Variants in MYH13 observed in about 807,000 individuals in gnomAD.
MYH13 encodes the protein myosin heavy chain 13.
Under a neutral mutation model 232.1 loss-of-function variants are expected in MYH13, and 177 were observed. That is an observed-to-expected ratio of 0.76 (90% confidence interval 0.67 to 0.86). The LOEUF is 0.86. Ranked by LOEUF, MYH13 falls within the 40% of genes least tolerant of loss-of-function variation. The pLI is 0.00. For missense variants in MYH13, 2,246 were observed against 2,405.9 expected, an observed-to-expected ratio of 0.93 and a Z score of 1.39; for synonymous variants, 884 against 923.5, an observed-to-expected ratio of 0.96 and a Z score of 0.78.
In MYH13 at chr17:10,326,981, GT is replaced by G. The variant is rs61543278; in HGVS notation, c.2691+884del. 3.8e-3 allele frequency among the ~76,000 whole-genome samples: 210 copies of G among 55,832 alleles called. 85 individuals carry two copies. Among genetic ancestry groups the G allele is most frequent in the East Asian group, 0.018 (29 of 1,608 alleles). The allele number at this position is 55,832 out of a possible 152,430, so 36.6% of individuals were successfully genotyped here. ...GAGACATGCACCACCATGCCTACTA[GT>G]TTTTTTTTTTTTTTTTTTTTTTTTT... is the stretch of plus-strand genomic sequence containing the variant. On this transcript the variant is annotated intron_variant, in intron 22 of 40. Coordinates refer to ENST00000252172, the MANE Select transcript of MYH13 (RefSeq NM_003802.3).
chr17:10,324,297 G>A (rs1161858080), intron 22 of MYH13, 33 bp from the exon 23 acceptor site: 3 of 1,608,962 alleles, frequency 1.9e-6, no homozygotes, highest in Non-Finnish European at 1.7e-6. Flanking sequence ...TGTTTTGATT[G>A]GCCTCTTTGA....
intron 11 of MYH13, among the ~76,000 whole-genome samples, chr17:10,352,920 A>G (rs915301422): frequency 1.3e-5 from 2 of 152,234 alleles, no homozygotes; most frequent in African/African-American, 4.8e-5. Context: ...TCTTGTAACA[A>G]ATAGCTGAGT....
intron 8 of MYH13, 149 bp from the exon 9 acceptor site, chr17:10,355,296 T>C (rs1453510835): frequency 9.0e-6 from 8 of 886,028 alleles, no homozygotes; most frequent in Non-Finnish European, 1.4e-5. Flanking sequence ...CCTTCTGGAT[T>C]TGCATTTTGG....
At chr17:10,321,321 C>T (rs1279240841) in intron 24 of MYH13, among the ~76,000 whole-genome samples, 3 of 152,158 alleles carry the variant, frequency 2.0e-5, no homozygotes, top group Non-Finnish European at 2.9e-5. Flanking sequence ...TTTACATCGC[C>T]ATTTCACAAG....
rs763716572 is a variant in MYH13, at chr17:10,313,249, C to G, written c.4090G>C (p.Ala1364Pro). ...EQEAKAELQR[A>P]LSKANSEVAQ... ...ACCTCACTGTTGGCCTTGGACAGCG[C>G]CCTCTGCAGCTCGGCCTTGGCTTCC... The change falls in exon 30 of 41, where the codon GCG becomes CCG. Residue 1364 changes from alanine (A) to proline (P), a missense_variant. Physicochemically the swap from Ala to Pro is conservative, Grantham distance 27. Transcript: ENST00000252172. 2.5e-6 allele frequency: 4 copies of G among 1,614,092 alleles called. No homozygotes were observed. The Admixed American group carries it at 6.7e-5, about 27-fold the overall frequency.
Position 10,306,723 on chromosome 17 carries a change from C to T in MYH13, c.5296-94G>A. The T allele has an allele frequency of 5.1e-6, 8 of 1,562,492 alleles. No individual in the cohort carries two copies. The South Asian group carries it at 9.6e-5, about 19-fold the overall frequency. The stretch of plus-strand genomic sequence containing the variant: ...CGAAGGCTGGGATCATGGTGCTGAG[C>T]CTCCCCTGTCTGACTGGGGCCAGTC... On this transcript the variant is annotated intron_variant, in intron 36 of 40. Transcript: ENST00000252172. The surrounding 1 kb of genome is among the most constrained non-coding windows in gnomAD (Gnocchi z 4.3).
chr17:10,325,308 A>G (rs1004132070), intron 22 of MYH13, among the ~76,000 whole-genome samples: 1 of 152,156 alleles, frequency 6.6e-6, no homozygotes, highest in Non-Finnish European at 1.5e-5. Context: ...AAACATTACT[A>G]TCTTTTAACT....
Position 10,303,406 on chromosome 17 carries a change from C to A in MYH13, c.5559G>T (p.Glu1853Asp). Residue 1853 changes from glutamate (E) to aspartate (D), a missense_variant, in exon 38 of 41, where the codon GAG becomes GAT. Physicochemically the swap from Glu to Asp is conservative, Grantham distance 45. Transcript: ENST00000252172. ...TTGGGACCCCTACCTGGTAAGTCAT[C>A]TCCTTGACTTTGCGTTCGTACTTGT... ...GAHKYERKVK[E>D]MTYQAEEDHK... The A allele has an allele frequency of 6.2e-7, 1 of 1,613,820 alleles. No homozygotes were observed.
At chr17:10,370,758 G>T (rs568112257) in intron 2 of MYH13, among the ~76,000 whole-genome samples, 1 of 152,288 alleles carries the variant, frequency 6.6e-6, no homozygotes, top group East Asian at 1.9e-4. Context: ...TAAGGGGATA[G>T]GGTTTTTATT....
intron 23 of MYH13, among the ~76,000 whole-genome samples, 191 bp downstream of exon 23, chr17:10,323,831 A>AGAAGAAGAAGAAGAAG (rs1555549901): frequency 7.0e-6 from 1 of 142,058 alleles, no homozygotes; most frequent in South Asian, 2.4e-4. Context: ...AAGAAGAAGA[A>AGAAGAAGAAGAAGAAG]GAGTCTATGG....
At position 10,311,988 on chromosome 17, in the gene MYH13, A is replaced by C; in HGVS notation, c.4454T>G (p.Leu1485Arg). The change falls in exon 32 of 41, where the codon CTC becomes CGC. Residue 1485 changes from leucine to arginine, a missense_variant. Physicochemically the swap from Leu to Arg is moderately radical, Grantham distance 102. Transcript: ENST00000252172. The part of the protein sequence containing the change: ...QKESRSLSTE[L>R]FKMRNAYEEV... ...CTCATAGGCATTCCTCATCTTGAAG[A>C]GTTCAGTGCTGAGTGACCTGGACTC... 1 of 1,614,002 alleles carries C rather than the reference A, an allele frequency of 6.2e-7. No individual in the cohort carries two copies. Among genetic ancestry groups the C allele is most frequent in the Non-Finnish European group, 8.5e-7 (1 of 1,179,892 alleles).
chr17:10,326,723 C>T (rs1262040171), intron 22 of MYH13, among the ~76,000 whole-genome samples: 4 of 151,726 alleles, frequency 2.6e-5, no homozygotes. Context: ...GTGATCTGCC[C>T]GCCTCGGTCT....
intron 8 of MYH13, 107 bp downstream of exon 8, chr17:10,357,628 G>T: frequency 1.0e-6 from 1 of 952,420 alleles, no homozygotes; most frequent in Non-Finnish European, 1.6e-6. Context: ...CTTGGGGGTA[G>T]AAAAAGGCCC....
In MYH13 at chr17:10,307,034, G is replaced by GT. The variant is rs779901135; in HGVS notation, c.5199dup (p.Leu1734ThrfsTer4). On this transcript the variant is annotated frameshift_variant, in exon 36 of 41. Transcript: ENST00000252172. LOFTEE classifies it high-confidence loss of function. ...TGGCACTGAGCTATGTCAGCCTCCA[G>GT]TTTTTTCTTGGTATTTATCAGGCTT... 3.6e-5 allele frequency: 58 copies of GT among 1,613,806 alleles called. No homozygotes were observed. Among genetic ancestry groups the GT allele is most frequent in the Non-Finnish European group, 4.6e-5 (54 of 1,179,882 alleles).
intron 6 of MYH13, 42 bp downstream of exon 6, chr17:10,360,119 A>C (rs780361402): frequency 6.8e-6 from 11 of 1,613,950 alleles, no homozygotes; most frequent in Non-Finnish European, 9.3e-6. Flanking sequence ...AAGGGAGGGC[A>C]CTGGTTTCCA....
intron 11 of MYH13, among the ~76,000 whole-genome samples, chr17:10,352,972 G>A (rs1341836262): frequency 6.6e-6 from 1 of 152,046 alleles, no homozygotes; most frequent in Non-Finnish European, 1.5e-5. Context: ...AATCACAGCA[G>A]CTGAGCTTCA....
In MYH13 at chr17:10,327,864, A is replaced by G. The variant is rs772753548; in HGVS notation, c.2691+2T>C. ...TTGCGTTCTCAAGTAGAAGGTACTT[A>G]CAGACTGGACCTGCAATTGGAGGTC... On this transcript the variant is annotated splice_donor_variant, in intron 22 of 40. Coordinates refer to ENST00000252172, the MANE Select transcript of MYH13 (RefSeq NM_003802.3). LOFTEE classifies it high-confidence loss of function. 4 of 1,610,834 alleles carry G rather than the reference A, an allele frequency of 2.5e-6. No homozygotes were observed. Among genetic ancestry groups the G allele is most frequent in the Non-Finnish European group, 3.4e-6 (4 of 1,179,228 alleles).
In MYH13 at chr17:10,345,309, G is replaced by C. The variant is rs61745301; in HGVS notation, c.1477C>G (p.His493Asp). 2 of 1,614,204 alleles carry C rather than the reference G, an allele frequency of 1.2e-6. No homozygotes were observed. Among genetic ancestry groups the C allele is most frequent in the Non-Finnish European group, 1.7e-6 (2 of 1,180,030 alleles). Residue 493 changes from histidine (H) to aspartate (D), a missense_variant, in exon 15 of 41, where the codon CAC (histidine) becomes GAC (aspartate). Physicochemically the swap from His to Asp is moderately conservative, Grantham distance 81 (BLOSUM62 -1). Transcript: ENST00000252172. The part of the protein sequence containing the change: ...TNEKLQQFFN[H>D]HMFVLEQEEY... ...TCCTGCTCCAGCACGAACATGTGGT[G>C]GTTGAAAAACTGTTGCAGTTTCTCA...
At chr17:10,371,884 G>A (rs2071880319) in intron 1 of MYH13, among the ~76,000 whole-genome samples, 1 of 152,076 alleles carries the variant, frequency 6.6e-6, no homozygotes, top group Non-Finnish European at 1.5e-5. Context: ...AAGTCACCTG[G>A]GACTAAGGAA....
Sources: allele counts gnomAD v4.1 joint callset (sites outside exome capture counted in the v4.1 genomes callset), GRCh38; gene constraint gnomAD v4.1.1; non-coding constraint Gnocchi (gnomAD v3.1); transcripts MANE v1.5; gene names NCBI Gene and HGNC (gene_info 2026-07-23, HGNC 2026-07-21).